CLIC4: variants seen among roughly 807,000 people sequenced by gnomAD.
CLIC4 encodes chloride intracellular channel protein 4.
In CLIC4, 13 loss-of-function variants were observed where a neutral mutation model predicts 24.6. That is an observed-to-expected ratio of 0.53 (90% CI 0.34 to 0.84). The LOEUF is 0.84. Among genes scored for constraint, CLIC4 ranks in the 40% least tolerant of loss-of-function variants. The pLI is 0.01. For synonymous variants in CLIC4, 104 were observed against 111.3 expected (o/e 0.93, Z 0.41); for missense variants, 227 against 301.7 (o/e 0.75, Z 1.83).
In CLIC4 at chr1:24,841,400, A is replaced by G. The variant is rs779347784; in HGVS notation, c.*463A>G. Reference sequence around the variant, plus strand: ...TTTTTGGAATTTTGTAATATTTAGTAAGAGTATATGAAAGGATTGCTACTG... The same window carrying G: ...TTTTTGGAATTTTGTAATATTTAGTGAGAGTATATGAAAGGATTGCTACTG... On this transcript the variant is annotated 3_prime_UTR_variant, in exon 6 of 6. Transcript: ENST00000374379. 1 of 152,420 alleles carries G rather than the reference A, an allele frequency of 6.6e-6. No homozygotes were observed. The highest frequency in any genetic ancestry group is 1.5e-5 in the Non-Finnish European group (1 of 68,180). 9.4% of individuals were successfully genotyped at this position (152,420 alleles called of 1,614,324 possible).
chr1:24,760,764 G>A (rs1638916744), intron 1 of CLIC4, among the ~76,000 whole-genome samples: 1 of 152,114 alleles, frequency 6.6e-6, no homozygotes, highest in African/African-American at 2.4e-5. Context: ...TCAGTTGAGG[G>A]AGGCAAACGA....
At chr1:24,808,581 C>T (rs1639579947) in intron 2 of CLIC4, among the ~76,000 whole-genome samples, 1 of 149,874 alleles carries the variant, frequency 6.7e-6, no homozygotes, top group Admixed American at 6.7e-5. Flanking sequence ...AGTGTGTGAT[C>T]ATGGCTCGCC....
intron 1 of CLIC4, among the ~76,000 whole-genome samples, chr1:24,789,814 T>C (rs370504345): frequency 6.6e-5 from 10 of 152,160 alleles, no homozygotes; most frequent in East Asian, 3.9e-4. Context: ...TTCTGTTTTT[T>C]CATTTGCTTC....
intron 2 of CLIC4, among the ~76,000 whole-genome samples, chr1:24,811,803 C>T (rs989891137): frequency 6.6e-6 from 1 of 152,178 alleles, no homozygotes; most frequent in Non-Finnish European, 1.5e-5. Context: ...TGATTAGATT[C>T]AGGGTCAACT....
chr1:24,786,743 G>A (rs1463659693), intron 1 of CLIC4, among the ~76,000 whole-genome samples: 2 of 151,680 alleles, frequency 1.3e-5, no homozygotes, highest in Non-Finnish European at 2.9e-5. Context: ...TCAGCCTCCC[G>A]AGTAGCTGGG....
At chr1:24,818,187 A>C (rs1639689868) in intron 3 of CLIC4, among the ~76,000 whole-genome samples, 1 of 152,194 alleles carries the variant, frequency 6.6e-6, no homozygotes, top group South Asian at 2.1e-4. Context: ...TTCAATTTGT[A>C]AAAAACGTAA....
At chr1:24,765,082 C>T (rs181024113) in intron 1 of CLIC4, among the ~76,000 whole-genome samples, 3 of 152,120 alleles carry the variant, frequency 2.0e-5, no homozygotes, top group African/African-American at 7.2e-5. Context: ...GCCTGGGAGG[C>T]CTTTTCACTT....
intron 1 of CLIC4, among the ~76,000 whole-genome samples, chr1:24,795,079 C>G (rs971036155): frequency 1.3e-5 from 2 of 152,192 alleles, no homozygotes; most frequent in African/African-American, 4.8e-5. Context: ...AACTATTGGG[C>G]TCTAGGCTTT....
At chr1:24,784,287 C>A (rs1030847981) in intron 1 of CLIC4, among the ~76,000 whole-genome samples, 1 of 152,114 alleles carries the variant, frequency 6.6e-6, no homozygotes, top group African/African-American at 2.4e-5. Context: ...TCAGTTCTCC[C>A]AACTATCCAA....
At chr1:24,801,339 G>A (rs546499939) in intron 2 of CLIC4, among the ~76,000 whole-genome samples, 33 of 152,314 alleles carry the variant, frequency 2.2e-4, no homozygotes, top group African/African-American at 7.2e-4. Context: ...AGTCAAAGGG[G>A]AAGCAGACAT....
chr1:24,768,452 T>C (rs1639031096), intron 1 of CLIC4, among the ~76,000 whole-genome samples: 1 of 152,178 alleles, frequency 6.6e-6, no homozygotes, highest in African/African-American at 2.4e-5. Context: ...AAGCTCTTTT[T>C]ATTTAATTTG....
chr1:24,771,755 G>C (rs984106420), intron 1 of CLIC4: 2 of 402,880 alleles, frequency 5.0e-6, no homozygotes, highest in African/African-American at 2.1e-5. Flanking sequence ...TTGGGGTTTT[G>C]TAACTAGCTA....
rs879857361 is a variant in CLIC4 at position 24,830,454 on chromosome 1, GT to G, written c.415+3350del. 1.9e-3 allele frequency among the ~76,000 whole-genome samples: 274 copies of G among 146,380 alleles called. 3 individuals carry two copies. The highest frequency in any genetic ancestry group is 6.1e-3 in the African/African-American group (244 of 40,258). On this transcript the variant is annotated intron_variant, in intron 4 of 5. Coordinates refer to ENST00000374379, the MANE Select transcript of CLIC4 (RefSeq NM_013943.3). ...TTGATAGACATCTAGATTGTCTCAAGTTTTTTTTTTTTCTTCACTATAATAA... is the reference window on the plus strand; with the variant it reads ...TTGATAGACATCTAGATTGTCTCAAGTTTTTTTTTTTCTTCACTATAATAA...
intron 4 of CLIC4, among the ~76,000 whole-genome samples, chr1:24,831,317 C>T (rs1003346427): frequency 6.6e-6 from 1 of 152,178 alleles, no homozygotes; most frequent in Non-Finnish European, 1.5e-5. Context: ...CCCAGCTTGG[C>T]CTCCCAAAGT....
intron 1 of CLIC4, among the ~76,000 whole-genome samples, chr1:24,780,035 C>T (rs1639184640): frequency 6.6e-6 from 1 of 152,186 alleles, no homozygotes; most frequent in Admixed American, 6.5e-5. Flanking sequence ...TTCCTTACCC[C>T]CTTTCCCCTC....
In CLIC4 at chr1:24,797,796, A is replaced by G; in HGVS notation, c.127A>G (p.Met43Val). ...GNCPFSQRLF[M>V]ILWLKGVVFS... ...CTGCCCCTTTTCCCAGAGGCTCTTC[A>G]TGATTCTTTGGCTCAAAGGAGTTGT... Residue 43 changes from methionine (M) to valine (V), a missense_variant, in exon 2 of 6, where the codon ATG becomes GTG. Coordinates refer to ENST00000374379, the MANE Select transcript of CLIC4 (RefSeq NM_013943.3). 1.2e-6 allele frequency: 2 copies of G among 1,613,762 alleles called. No homozygotes were observed. Among genetic ancestry groups the G allele is most frequent in the Non-Finnish European group, 8.5e-7 (1 of 1,179,886 alleles).
intron 4 of CLIC4, among the ~76,000 whole-genome samples, chr1:24,831,066 G>T (rs1161630945): frequency 6.6e-6 from 1 of 152,016 alleles, no homozygotes; most frequent in Non-Finnish European, 1.5e-5. Flanking sequence ...ATCATTCTTT[G>T]TTTTCATTAA....
chr1:24,799,599 G>T (rs1160498409), intron 2 of CLIC4, among the ~76,000 whole-genome samples: 3 of 143,122 alleles, frequency 2.1e-5, no homozygotes, highest in African/African-American at 8.3e-5. Flanking sequence ...GGAGGGAGGT[G>T]GGGGGGTCAG....
chr1:24,777,271 C>A (rs985126121), intron 1 of CLIC4, among the ~76,000 whole-genome samples: 1 of 152,150 alleles, frequency 6.6e-6, no homozygotes, highest in South Asian at 2.1e-4. Context: ...TCAGGCCAGG[C>A]ACGGTGGCTC....
Sources: allele counts gnomAD v4.1 joint callset (sites outside exome capture counted in the v4.1 genomes callset), GRCh38; gene constraint gnomAD v4.1.1; transcripts MANE v1.5; gene names NCBI Gene and HGNC (gene_info 2026-07-23, HGNC 2026-07-21).